COBL: variants seen among roughly 807,000 people sequenced by gnomAD.
The protein encoded by COBL is protein cordon-bleu.
In COBL, 51 loss-of-function variants were observed where a neutral mutation model predicts 98.8. The ratio of observed to expected loss-of-function variants is 0.52; its 90% CI spans 0.41 to 0.65. The LOEUF (loss-of-function observed/expected upper bound fraction) is 0.65. Among genes scored for constraint, COBL ranks in the 30% least tolerant of loss-of-function variants. The pLI is 0.00. For synonymous variants in COBL, 634 were observed against 651.7 expected (o/e 0.97, Z 0.41); for missense variants, 1,617 against 1,617.5 (o/e 1.00, Z 0.01).
chr7:51,053,284 C>G (rs1790408141), intron 7 of COBL, among the ~76,000 whole-genome samples: 1 of 152,178 alleles, frequency 6.6e-6, no homozygotes, highest in Admixed American at 6.5e-5. Flanking sequence ...AAATAGATCT[C>G]TACGGATGAT....
At chr7:51,226,564 G>GAGTGACTA (rs1468314302) in intron 1 of COBL, among the ~76,000 whole-genome samples, 7 of 151,876 alleles carry the variant, frequency 4.6e-5, no homozygotes, top group African/African-American at 1.2e-4. Context: ...GTGACTAAGT[G>GAGTGACTA]AGTGAGTAAG....
Position 51,029,438 on chromosome 7 carries a change from T to C in COBL, c.1658A>G (p.Asp553Gly). 6.2e-7 allele frequency: 1 copy of C among 1,614,144 alleles called. No homozygotes were observed. Among genetic ancestry groups the C allele is most frequent in the Non-Finnish European group, 8.5e-7 (1 of 1,180,016 alleles). Reference protein sequence around the residue: ...FIGEVSDDPVDSGLFSNRNNN... With the variant: ...FIGEVSDDPVGSGLFSNRNNN... ...GTTTCTATTGGAAAACAACCCCGAA[T>C]CCACAGGATCATCTGAAACTTCCCC... Residue 553 changes from aspartate to glycine, a missense_variant, in exon 10 of 13, where the codon GAT becomes GGT. Around this residue, in one of 3 missense-constraint regions of COBL, gnomAD observed 1,304 missense variants for 1,282.0 expected, o/e 1.02. Transcript: ENST00000265136.
At chr7:51,196,855 T>C (rs1434182669) in intron 2 of COBL, among the ~76,000 whole-genome samples, 1 of 152,120 alleles carries the variant, frequency 6.6e-6, no homozygotes, top group Non-Finnish European at 1.5e-5. Flanking sequence ...TGTATTTCTA[T>C]GGGGTCAGTG....
At chr7:51,078,725 A>C (rs1258247468) in intron 7 of COBL, among the ~76,000 whole-genome samples, 2 of 152,184 alleles carry the variant, frequency 1.3e-5, no homozygotes, top group African/African-American at 2.4e-5. Context: ...GCAGGTGTGG[A>C]TCAGGACTAT....
At chr7:51,092,270 G>A (rs1015721006) in intron 6 of COBL, among the ~76,000 whole-genome samples, 1 of 152,158 alleles carries the variant, frequency 6.6e-6, no homozygotes, top group Admixed American at 6.5e-5. Context: ...CTGGTCCCTG[G>A]TGCCACAAAG....
intron 5 of COBL, among the ~76,000 whole-genome samples, chr7:51,167,198 A>T (rs1204819743): frequency 6.6e-6 from 1 of 152,204 alleles, no homozygotes; most frequent in Non-Finnish European, 1.5e-5. Flanking sequence ...TTACATTTGG[A>T]AAAACCTAAA....
intron 8 of COBL, among the ~76,000 whole-genome samples, chr7:51,042,376 T>C (rs571537078): frequency 1.3e-5 from 2 of 152,334 alleles, no homozygotes; most frequent in Non-Finnish European, 2.9e-5. Flanking sequence ...TCAATTCTTT[T>C]TGAGACTGAG....
chr7:51,215,396 A>T (rs920437400), intron 2 of COBL, among the ~76,000 whole-genome samples: 1 of 152,128 alleles, frequency 6.6e-6, no homozygotes, highest in African/African-American at 2.4e-5. Flanking sequence ...CTTTGTTTGG[A>T]TTAAGCCCAC....
At chr7:51,302,482 G>A (rs930894720) in intron 1 of COBL, among the ~76,000 whole-genome samples, 1 of 151,576 alleles carries the variant, frequency 6.6e-6, no homozygotes, top group Admixed American at 6.6e-5. Context: ...TCAGGAGGCT[G>A]AGGCAGGAGA....
In COBL at chr7:51,043,599, C is replaced by G; in HGVS notation, c.1190G>C (p.Cys397Ser). Residue 397 changes from cysteine (C) to serine (S), a missense_variant, in exon 8 of 13, where the codon TGT becomes TCT. By Grantham distance (112) the Cys-to-Ser change is moderately radical. Transcript: ENST00000265136. ...EAEETVSVGS[C>S]FASEDTTEDS... The stretch of plus-strand genomic sequence containing the variant: ...CTCGGTCGTGTCCTCCGACGCAAAA[C>G]AGCTGCCAACTGACACGGTCTCCTC... 1 of 1,614,216 alleles carries G rather than the reference C, an allele frequency of 6.2e-7. No homozygotes were observed. The highest frequency in any genetic ancestry group is 1.3e-5 in the African/African-American group (1 of 75,046).
intron 6 of COBL, among the ~76,000 whole-genome samples, chr7:51,086,226 G>A (rs1009397745): frequency 2.0e-5 from 3 of 152,034 alleles, no homozygotes; most frequent in African/African-American, 7.2e-5. Flanking sequence ...GCATGGTGGT[G>A]GACACTTGTA....
At chr7:51,067,329 G>A (rs912315658) in intron 7 of COBL, among the ~76,000 whole-genome samples, 1 of 152,220 alleles carries the variant, frequency 6.6e-6, no homozygotes, top group Non-Finnish European at 1.5e-5. Context: ...ACATGAATAT[G>A]TACACCATGT....
intron 1 of COBL, among the ~76,000 whole-genome samples, chr7:51,266,367 T>C (rs1407533052): frequency 6.6e-6 from 1 of 152,170 alleles, no homozygotes; most frequent in Admixed American, 6.5e-5. Context: ...TCACCTGAGG[T>C]CGGGAGTTTG....
chr7:51,241,578 A>G (rs781193734), intron 1 of COBL, among the ~76,000 whole-genome samples: 82 of 152,326 alleles, frequency 5.4e-4, no homozygotes, highest in Middle Eastern at 3.4e-3. Flanking sequence ...GTTAATCTAT[A>G]TTTTTTAAAA....
At chr7:51,064,016 A>G (rs1175186306) in intron 7 of COBL, among the ~76,000 whole-genome samples, 1 of 152,184 alleles carries the variant, frequency 6.6e-6, no homozygotes, top group African/African-American at 2.4e-5. Context: ...ACTTCTCTGG[A>G]CAGTGCAAGA....
At chr7:51,195,099 T>C (rs1338036305) in intron 2 of COBL, among the ~76,000 whole-genome samples, 2 of 152,184 alleles carry the variant, frequency 1.3e-5, no homozygotes, top group Non-Finnish European at 2.9e-5. Flanking sequence ...ACTGTTCCTA[T>C]GTCCAGAATG....
At chr7:51,139,936 C>G (rs1799580323) in intron 5 of COBL, among the ~76,000 whole-genome samples, 1 of 152,186 alleles carries the variant, frequency 6.6e-6, no homozygotes, top group Admixed American at 6.5e-5. Flanking sequence ...TCATGAGGGA[C>G]AGGCCACTGC....
chr7:51,294,767 TG>T (rs1280324866), intron 1 of COBL, among the ~76,000 whole-genome samples: 1 of 152,170 alleles, frequency 6.6e-6, no homozygotes, highest in Non-Finnish European at 1.5e-5. Context: ...AATATAAGCA[TG>T]TTTTTATACC....
At chr7:51,093,924 A>G (rs1238030833) in intron 6 of COBL, among the ~76,000 whole-genome samples, 8 of 151,620 alleles carry the variant, frequency 5.3e-5, no homozygotes, top group Admixed American at 4.6e-4. Flanking sequence ...TATAGTCAAG[A>G]TATAGAATTA....
Sources: allele counts gnomAD v4.1 joint callset (sites outside exome capture counted in the v4.1 genomes callset), GRCh38; gene constraint gnomAD v4.1.1; regional missense constraint gnomAD v4.1.1; transcripts MANE v1.5; gene names NCBI Gene and HGNC (gene_info 2026-07-23, HGNC 2026-07-21).